The following DOCK5 variants were observed in gnomAD, a reference collection of about 807,000 sequenced individuals.
DOCK5 encodes the protein dedicator of cytokinesis 5, also known as dedicator of cytokinesis protein 5.
DOCK5 carries 142 observed loss-of-function variants against 251.8 expected under a neutral mutation model. The ratio of observed to expected loss-of-function variants is 0.56; its 90% confidence interval spans 0.49 to 0.65. The LOEUF (loss-of-function observed/expected upper bound fraction) is 0.65. DOCK5 is among the 30% of genes least tolerant of loss of function. The pLI, the probability that DOCK5 is intolerant of heterozygous loss-of-function variation, is 0.00. For synonymous variants in DOCK5, 842 were observed against 835.5 expected, an observed-to-expected ratio of 1.01 and a Z score of -0.13; for missense variants, 2,111 against 2,312.3, an observed-to-expected ratio of 0.91 and a Z score of 1.79.
chr8:25,206,312 C>T (rs187321875), intron 1 of DOCK5, among the ~76,000 whole-genome samples: 2 of 152,062 alleles, frequency 1.3e-5, no homozygotes, highest in East Asian at 3.9e-4. Flanking sequence ...TTTTTTCTTC[C>T]TCTTTAACCA....
intron 21 of DOCK5, among the ~76,000 whole-genome samples, chr8:25,336,036 A>G (rs1247151280): frequency 2.0e-5 from 3 of 152,246 alleles, no homozygotes; most frequent in African/African-American, 7.2e-5. Context: ...ATTTCTCAGC[A>G]GAAGGTAGTT....
intron 21 of DOCK5, among the ~76,000 whole-genome samples, chr8:25,334,968 T>G (rs1805767983): frequency 6.6e-6 from 1 of 152,236 alleles, no homozygotes; most frequent in Non-Finnish European, 1.5e-5. Context: ...CTACCTTTTT[T>G]GTAGTGCAGC....
chr8:25,276,142 C>G (rs1027593292), intron 4 of DOCK5, among the ~76,000 whole-genome samples: 1 of 152,068 alleles, frequency 6.6e-6, no homozygotes, highest in African/African-American at 2.4e-5. Flanking sequence ...ATTCAGGATC[C>G]TTGAGAGAGA....
intron 42 of DOCK5, 45 bp from the exon 43 acceptor site, chr8:25,391,851 T>G (rs763388584): frequency 6.3e-7 from 1 of 1,579,236 alleles, no homozygotes; most frequent in Admixed American, 1.7e-5. Context: ...CAAGCAGTGG[T>G]TGTTCTAAGA....
intron 1 of DOCK5, among the ~76,000 whole-genome samples, chr8:25,187,353 A>T (rs2117432579): frequency 6.8e-6 from 1 of 146,214 alleles, no homozygotes; most frequent in East Asian, 2.0e-4. Flanking sequence ...ATATGGAAAT[A>T]TGGGTGGAAA....
At chr8:25,410,043 A>G (rs1801592075) in intron 50 of DOCK5, 56 bp from the exon 51 acceptor site, 3 of 1,458,780 alleles carry the variant, frequency 2.1e-6, no homozygotes, top group African/African-American at 1.4e-5. Flanking sequence ...CAACATTTCC[A>G]TGAGCTTCCT....
chr8:25,302,516 AT>A, intron 10 of DOCK5, 62 bp downstream of exon 10: 3 of 1,421,830 alleles, frequency 2.1e-6, no homozygotes, highest in Non-Finnish European at 2.8e-6. Context: ...TAGCATGGCG[AT>A]TTCTCAAAAA....
chr8:25,368,477 C>A, intron 32 of DOCK5, 94 bp from the exon 33 acceptor site: 1 of 1,416,962 alleles, frequency 7.1e-7, no homozygotes, highest in Non-Finnish European at 9.5e-7. Flanking sequence ...GTTGTTTTAA[C>A]CTTTTCTTTT....
chr8:25,409,718 T>A (rs919111399), intron 50 of DOCK5: 1 of 158,114 alleles, frequency 6.3e-6, no homozygotes, highest in Non-Finnish European at 1.4e-5. Flanking sequence ...TGATGGTGGG[T>A]GCCTGTAGTC....
chr8:25,233,757 TA>T (rs1802728397), intron 1 of DOCK5, among the ~76,000 whole-genome samples: 1 of 149,192 alleles, frequency 6.7e-6, no homozygotes, highest in South Asian at 2.1e-4. Flanking sequence ...CTTCACTTTT[TA>T]AAAAATTTTG....
intron 40 of DOCK5, among the ~76,000 whole-genome samples, chr8:25,388,597 A>G (rs1016169684): frequency 2.6e-5 from 4 of 152,246 alleles, no homozygotes; most frequent in African/African-American, 9.6e-5. Flanking sequence ...GCCAGAAGAC[A>G]CATTGCTTCT....
At position 25,184,945 on chromosome 8, in the gene DOCK5, G is replaced by C; in HGVS notation, c.37G>C (p.Gly13Arg). Reference sequence around the variant, plus strand: ...GATCCCGACCAAGAGGCAGAAGTACGGGGTTGGTGAGTGCGCGCCCCACCT... The same window carrying C: ...GATCCCGACCAAGAGGCAGAAGTACCGGGTTGGTGAGTGCGCGCCCCACCT... ...RWIPTKRQKY[G>R]VAIYNYNASQ... Residue 13 changes from glycine to arginine, a missense_variant, in exon 1 of 52, where the codon GGG becomes CGG. Transcript: ENST00000276440. 2.8e-6 allele frequency: 4 copies of C among 1,436,760 alleles called. No homozygotes were observed. The highest frequency in any genetic ancestry group is 3.7e-6 in the Non-Finnish European group (4 of 1,086,324). The allele number at this position is 1,436,760 out of a possible 1,614,324, so 89.0% of individuals were successfully genotyped here. A position where few individuals can be genotyped will look rare whatever the true frequency, so the allele number is the denominator to read the frequency against.
At chr8:25,311,523 A>G (rs1805095919) in intron 13 of DOCK5, among the ~76,000 whole-genome samples, 1 of 151,084 alleles carries the variant, frequency 6.6e-6, no homozygotes, top group Non-Finnish European at 1.5e-5. Flanking sequence ...AGCCTGGGCA[A>G]CAAGAGCAAA....
rs1221275411 is a variant in DOCK5, at chr8:25,341,003, A to C, written c.2439+15A>C. 1 of 1,593,640 alleles carries C rather than the reference A, an allele frequency of 6.3e-7. No homozygotes were observed. On this transcript the variant is annotated intron_variant, in intron 23 of 51. Coordinates refer to ENST00000276440, the MANE Select transcript of DOCK5 (RefSeq NM_024940.8). ...TCAAGATCAAGGTCAGCCTGGCAGC[A>C]TCATGGGTAACTCTTCTTAGGCTGT...
At position 25,345,515 on chromosome 8, in the gene DOCK5, C is replaced by G. The variant is rs1344803279; in HGVS notation, c.2658C>G (p.Leu886=). The change falls in exon 26 of 52, where the codon CTC becomes CTG. Residue 886 remains leucine, a synonymous_variant. Transcript: ENST00000276440. ...EVLLPLLTDQ[L]SGQLDDNSNK... ...TGCTGCCACTGCTGACAGACCAGCT[C>G]AGCGGCCAGTTAGATGACAACTCCA... The G allele has an allele frequency of 6.2e-7, 1 of 1,613,918 alleles. No homozygotes were observed. Among genetic ancestry groups the G allele is most frequent in the Non-Finnish European group, 8.5e-7 (1 of 1,179,890 alleles).
Position 25,304,286 on chromosome 8 carries a change from G to T in DOCK5, c.1008G>T (p.Lys336Asn), listed in dbSNP as rs993157892. Reference sequence around the variant, plus strand: ...ATATTACTGATATCATACATGGGAAGGTGGATGATGAAGAAAAGCAGCATT... The same window carrying T: ...ATATTACTGATATCATACATGGGAATGTGGATGATGAAGAAAAGCAGCATT... ...VMDITDIIHG[K>N]VDDEEKQHFI... The change falls in exon 11 of 52, where the codon AAG becomes AAT. Residue 336 changes from lysine to asparagine, a missense_variant. This residue lies in a region of DOCK5 where 1,717 missense variants were observed against 1,892.4 expected (regional missense o/e 0.91). Coordinates refer to ENST00000276440, the MANE Select transcript of DOCK5 (RefSeq NM_024940.8). The T allele has an allele frequency of 6.2e-7, 1 of 1,610,720 alleles. No individual in the cohort carries two copies. Among genetic ancestry groups the T allele is most frequent in the Non-Finnish European group, 8.5e-7 (1 of 1,178,626 alleles).
chr8:25,313,504 T>G (rs1805154797), intron 13 of DOCK5, among the ~76,000 whole-genome samples: 2 of 152,206 alleles, frequency 1.3e-5, no homozygotes, highest in Admixed American at 6.5e-5. Flanking sequence ...TGCCACCTTC[T>G]CATATTCTGC....
chr8:25,302,515 G>A lies in DOCK5; in HGVS notation c.976+61G>A, dbSNP rs186506484. The A allele has an allele frequency of 5.4e-4, 767 of 1,420,848 alleles. 1 individual carries two copies. In the East Asian group the frequency reaches 0.014, roughly 26 times the overall value. 88.0% of individuals were successfully genotyped at this position (1,420,848 alleles called of 1,614,324 possible). Reference sequence around the variant, plus strand: ...GCAGTGCTGTGGAAAATAGCATGGCGATTTCTCAAAAAATTAAACATGGAA... The same window carrying A: ...GCAGTGCTGTGGAAAATAGCATGGCAATTTCTCAAAAAATTAAACATGGAA... On this transcript the variant is annotated intron_variant, in intron 10 of 51. Transcript: ENST00000276440.
At chr8:25,202,015 TA>T (rs1801891107) in intron 1 of DOCK5, among the ~76,000 whole-genome samples, 1 of 152,104 alleles carries the variant, frequency 6.6e-6, no homozygotes, top group African/African-American at 2.4e-5. Flanking sequence ...CATATATATA[TA>T]TATTTTTTTC....
Sources: allele counts gnomAD v4.1 joint callset (sites outside exome capture counted in the v4.1 genomes callset), GRCh38; gene constraint gnomAD v4.1.1; regional missense constraint gnomAD v4.1.1; transcripts MANE v1.5; gene names NCBI Gene and HGNC (gene_info 2026-07-23, HGNC 2026-07-21).